The following KEL variants were observed in gnomAD, a reference collection of about 807,000 sequenced individuals.
KEL encodes the protein kell blood group glycoprotein.
KEL carries 96 observed loss-of-function variants against 99.5 expected under a neutral mutation model. That is an observed-to-expected ratio of 0.97 (90% CI 0.82 to 1.14). KEL has a LOEUF of 1.14. Ranked by LOEUF, KEL falls within the 50% of genes most tolerant of loss-of-function variation. The pLI is 0.00. For synonymous variants in KEL, 355 were observed against 354.8 expected (o/e 1.00, Z -0.01); for missense variants, 926 against 924.2 (o/e 1.00, Z -0.03).
At position 142,953,696 on chromosome 7, in the gene KEL, C is replaced by A. The variant is rs1252139553; in HGVS notation, c.1073+112G>T. ...CAGGTGGCAGGTTCCTCTTATCCTC[C>A]TGGGAGGCCCTTACCAGCCTGCCTT... On this transcript the variant is annotated intron_variant, in intron 9 of 18. Transcript: ENST00000355265. 6.2e-6 allele frequency: 8 copies of A among 1,284,262 alleles called. No homozygotes were observed. The East Asian group carries it at 1.6e-4, about 26-fold the overall frequency. The allele number at this position is 1,284,262 out of a possible 1,614,324, so 79.6% of individuals were successfully genotyped here.
chr7:142,946,253 G>T lies in KEL; in HGVS notation c.1268C>A (p.Ala423Glu), dbSNP rs61728831. ...ETGTFFEPTL[A>E]ALFVREAFGP... ...AAAGGCCTCACGAACAAACAAAGCCGCCAGCGTGGGCTCGAAGAACGTGCC... is the reference window on the plus strand; with the variant it reads ...AAAGGCCTCACGAACAAACAAAGCCTCCAGCGTGGGCTCGAAGAACGTGCC... Residue 423 changes from alanine to glutamate, a missense_variant, in exon 11 of 19, where the codon GCG becomes GAG. Physicochemically the swap from Ala to Glu is moderately radical, Grantham distance 107. Transcript: ENST00000355265. 4.3e-6 allele frequency: 7 copies of T among 1,613,988 alleles called. No homozygotes were observed. Among genetic ancestry groups the T allele is most frequent in the African/African-American group, 1.3e-5 (1 of 74,922 alleles).
rs1172159159 is a variant in KEL at position 142,961,013 on chromosome 7, G to A, written c.315C>T (p.Ser105=). Residue 105 remains serine, a synonymous_variant, in exon 4 of 19, where the codon AGC becomes AGT. Transcript: ENST00000355265. ...TCTCTTTGGCCCTTCCACAGGCAAAGCTGAAGAAGTCGGTGCAGGGGGCCA... is the reference window on the plus strand; with the variant it reads ...TCTCTTTGGCCCTTCCACAGGCAAAACTGAAGAAGTCGGTGCAGGGGGCCA... ...TSVAPCTDFF[S]FACGRAKETN... 1.9e-6 allele frequency: 3 copies of A among 1,614,096 alleles called. No homozygotes were observed. The highest frequency in any genetic ancestry group is 2.5e-6 in the Non-Finnish European group (3 of 1,180,038).
At chr7:142,945,496 G>C (rs192970235) in intron 11 of KEL, among the ~76,000 whole-genome samples, 1 of 152,336 alleles carries the variant, frequency 6.6e-6, no homozygotes, top group Admixed American at 6.5e-5. Context: ...TACTCAGAAA[G>C]TATTCAGTGG....
chr7:142,944,443 T>C (rs994940159), intron 12 of KEL, 43 bp from the exon 13 acceptor site: 2 of 1,522,028 alleles, frequency 1.3e-6, no homozygotes, highest in Non-Finnish European at 1.8e-6. Flanking sequence ...TCTCCGAGTC[T>C]ACCAGAGGAA....
chr7:142,962,081 C>T (rs1278639980), intron 1 of KEL, 123 bp downstream of exon 1: 3 of 1,612,844 alleles, frequency 1.9e-6, no homozygotes, highest in African/African-American at 2.7e-5. Context: ...CATTACCTCC[C>T]TCTCTCCCCA....
chr7:142,958,111 C>A, intron 5 of KEL, 138 bp from the exon 6 acceptor site: 1 of 1,305,984 alleles, frequency 7.7e-7, no homozygotes, highest in South Asian at 1.3e-5. Flanking sequence ...CACATCTATC[C>A]TTTTTTATCT....
At chr7:142,961,527 G>T (rs2293267) in intron 2 of KEL, 26 bp from the exon 3 acceptor site, 5 of 1,576,894 alleles carry the variant, frequency 3.2e-6, no homozygotes, top group Non-Finnish European at 4.3e-6. Flanking sequence ...AGAGGTGAAA[G>T]ATACAAGATG....
intron 3 of KEL, 43 bp from the exon 4 acceptor site, chr7:142,961,147 A>T (rs1156286622): frequency 1.9e-6 from 3 of 1,607,926 alleles, no homozygotes; most frequent in African/African-American, 1.3e-5. Flanking sequence ...AGGCAAAAAG[A>T]CAAGGGCTCC....
At chr7:142,958,197 G>A in intron 5 of KEL, 107 bp downstream of exon 5, 2 of 1,515,424 alleles carry the variant, frequency 1.3e-6, no homozygotes, top group East Asian at 4.5e-5. Context: ...AAATTGGGGG[G>A]CCCTAGGAAG....
At chr7:142,944,549 G>C in intron 12 of KEL, 94 bp downstream of exon 12, 1 of 1,221,126 alleles carries the variant, frequency 8.2e-7, no homozygotes, top group Non-Finnish European at 1.2e-6. Flanking sequence ...TGCCTGGGGG[G>C]GCCTTTGGCA....
intron 6 of KEL, among the ~76,000 whole-genome samples, chr7:142,956,345 A>G: frequency 6.6e-6 from 1 of 152,084 alleles, no homozygotes; most frequent in East Asian, 1.9e-4. Flanking sequence ...CAACACCCCC[A>G]GACTGACCTT....
chr7:142,962,320 G>T lies in KEL; in HGVS notation c.-114C>A. The T allele has an allele frequency of 8.3e-7, 1 of 1,204,718 alleles. No homozygotes were observed. The highest frequency in any genetic ancestry group is 1.2e-6 in the Non-Finnish European group (1 of 809,578). 74.6% of individuals were successfully genotyped at this position (1,204,718 alleles called of 1,614,324 possible). A position where few individuals can be genotyped will look rare whatever the true frequency, so the allele number is the denominator to read the frequency against. On this transcript the variant is annotated 5_prime_UTR_variant, in exon 1 of 19. Coordinates refer to ENST00000355265, the MANE Select transcript of KEL (RefSeq NM_000420.3). ...CCAGTTCCTTGATCCTGGAGAAGGG[G>T]CACTTCTGCTGCTCTTTCGCCTTGT... is the stretch of plus-strand genomic sequence containing the variant.
intron 10 of KEL, chr7:142,946,689 G>A (rs1290998573): frequency 3.2e-6 from 1 of 313,184 alleles, no homozygotes. Flanking sequence ...TCTACTCCGG[G>A]GTCCCAGCAA....
chr7:142,962,340 C>T lies in KEL; in HGVS notation c.-134G>A, dbSNP rs975981843. 15 of 1,038,890 alleles carry T rather than the reference C, an allele frequency of 1.4e-5. No individual in the cohort carries two copies. The highest frequency in any genetic ancestry group is 2.1e-5 in the Non-Finnish European group (14 of 667,714). The allele number at this position is 1,038,890 out of a possible 1,614,324, so 64.4% of individuals were successfully genotyped here. ...AAGGGGCACTTCTGCTGCTCTTTCGCCTTGTCCCCAGACACACAGGACTGG... is the reference window on the plus strand; with the variant it reads ...AAGGGGCACTTCTGCTGCTCTTTCGTCTTGTCCCCAGACACACAGGACTGG... On this transcript the variant is annotated 5_prime_UTR_variant, in exon 1 of 19. Coordinates refer to ENST00000355265, the MANE Select transcript of KEL (RefSeq NM_000420.3).
At chr7:142,955,186 A>G (rs1345315162) in intron 6 of KEL, among the ~76,000 whole-genome samples, 2 of 152,240 alleles carry the variant, frequency 1.3e-5, no homozygotes, top group African/African-American at 4.8e-5. Context: ...AAAAAAACTC[A>G]GTAATCAAGA....
At position 142,958,327 on chromosome 7, in the gene KEL, G is replaced by C. The variant is rs765086340; in HGVS notation, c.502C>G (p.Pro168Ala). 6.2e-7 allele frequency: 1 copy of C among 1,614,132 alleles called. No homozygotes were observed. The highest frequency in any genetic ancestry group is 8.5e-7 in the Non-Finnish European group (1 of 1,180,030). The change falls in exon 5 of 19, where the codon CCC becomes GCC. Residue 168 changes from proline (P) to alanine (A), a missense_variant. Physicochemically the swap from Pro to Ala is conservative, Grantham distance 27 (BLOSUM62 -1). Transcript: ENST00000355265. Reference protein sequence around the residue: ...TLAIEAAGTGPLRQVIEELGG... With the variant: ...TLAIEAAGTGALRQVIEELGG... ...ACCTCCTCAATAACTTGTCTGAGGG[G>C]ACCAGTCCCTGCAGCTTCAATGGCA...
Position 142,946,013 on chromosome 7 carries a change from G to A in KEL, c.1314+194C>T, listed in dbSNP as rs559919532. The A allele has an allele frequency of 7.6e-5, 46 of 602,068 alleles. No homozygotes were observed. In the East Asian group the frequency reaches 8.0e-4, roughly 10 times the overall value. 37.3% of individuals were successfully genotyped at this position (602,068 alleles called of 1,614,324 possible). A position where few individuals can be genotyped will look rare whatever the true frequency, so the allele number is the denominator to read the frequency against. On this transcript the variant is annotated intron_variant, in intron 11 of 18. Transcript: ENST00000355265. ...AGTGAGAGCATGTCATGGAGAATTT[G>A]TGGCCTGAAGCTGAACTGTTTCCAC...
At chr7:142,949,924 G>C (rs1443766709) in intron 10 of KEL, among the ~76,000 whole-genome samples, 1 of 152,176 alleles carries the variant, frequency 6.6e-6, no homozygotes, top group Non-Finnish European at 1.5e-5. Context: ...CATTTTCATT[G>C]ACTATAACTC....
chr7:142,946,162 T>C, intron 11 of KEL, 45 bp downstream of exon 11: 1 of 1,345,112 alleles, frequency 7.4e-7, no homozygotes, highest in Non-Finnish European at 1.1e-6. Flanking sequence ...CTGCTTTGGG[T>C]AGGAAGGGGT....
Sources: allele counts gnomAD v4.1 joint callset (sites outside exome capture counted in the v4.1 genomes callset), GRCh38; gene constraint gnomAD v4.1.1; transcripts MANE v1.5; gene names NCBI Gene and HGNC (gene_info 2026-07-23, HGNC 2026-07-21).